ALK: variants seen among roughly 807,000 people sequenced by gnomAD.
ALK encodes the protein ALK receptor tyrosine kinase, also known as ALK tyrosine kinase receptor.
ALK carries 74 observed loss-of-function variants against 163.1 expected under a neutral mutation model. The ratio of observed to expected loss-of-function variants is 0.45; its 90% CI spans 0.38 to 0.55. The LOEUF (loss-of-function observed/expected upper bound fraction) is 0.55, where lower values mean the gene tolerates loss of function less well. Among genes scored for constraint, ALK ranks in the 20% least tolerant of loss-of-function variants. ALK has a pLI of 0.00. For missense variants in ALK, 2,063 were observed against 2,105.3 expected (o/e 0.98, Z 0.39); for synonymous variants, 960 against 843.2 (o/e 1.14, Z -2.40).
intron 1 of ALK, among the ~76,000 whole-genome samples, chr2:29,850,090 G>T (rs1297765545): frequency 8.5e-5 from 13 of 152,190 alleles, no homozygotes; most frequent in Admixed American, 8.5e-4. Flanking sequence ...ATTGACAGTA[G>T]AACAAGACAA....
chr2:29,249,292 G>A (rs1664759262), intron 12 of ALK, among the ~76,000 whole-genome samples: 1 of 152,170 alleles, frequency 6.6e-6, no homozygotes, highest in Non-Finnish European at 1.5e-5. Flanking sequence ...CTCCGCTGGG[G>A]GCTTACTGTT....
At chr2:29,212,210 G>C (rs1448469730) in intron 24 of ALK, among the ~76,000 whole-genome samples, 1 of 152,226 alleles carries the variant, frequency 6.6e-6, no homozygotes, top group East Asian at 1.9e-4. Context: ...TAGACTTAAA[G>C]CACATGGACA....
At chr2:29,805,207 A>G (rs1264292527) in intron 1 of ALK, among the ~76,000 whole-genome samples, 2 of 152,242 alleles carry the variant, frequency 1.3e-5, no homozygotes, top group African/African-American at 2.4e-5. Context: ...GGCAGCTAAC[A>G]TAACAGACAA....
rs1363161055 is a variant in ALK at position 29,227,118 on chromosome 2, C to G, written c.2915-44G>C. 4 of 1,613,648 alleles carry G rather than the reference C, an allele frequency of 2.5e-6. No homozygotes were observed. The South Asian group carries it at 3.3e-5, about 13-fold the overall frequency. The stretch of plus-strand genomic sequence containing the variant: ...GGTCAGTCTTGGGCCGAGCCTGCCT[C>G]CCCACTCCCAGCCTCAGTACTATGT... On this transcript the variant is annotated intron_variant, in intron 17 of 28. Coordinates refer to ENST00000389048, the MANE Select transcript of ALK (RefSeq NM_004304.5). This position sits in a 1 kb window ranked among gnomAD's most constrained non-coding sequence, Gnocchi z 4.4.
chr2:29,383,124 A>G (rs949524793), intron 5 of ALK, among the ~76,000 whole-genome samples: 5 of 151,992 alleles, frequency 3.3e-5, no homozygotes, highest in African/African-American at 1.2e-4. Context: ...TCCACGCTTC[A>G]TTCTTGGGCC....
intron 2 of ALK, among the ~76,000 whole-genome samples, chr2:29,697,846 A>G (rs1678618086): frequency 6.6e-6 from 1 of 152,186 alleles, no homozygotes; most frequent in African/African-American, 2.4e-5. Flanking sequence ...TTCAGAATAC[A>G]GTGGGGGCAG....
chr2:29,321,886 C>T (rs1315347405), intron 6 of ALK, among the ~76,000 whole-genome samples: 2 of 152,234 alleles, frequency 1.3e-5, no homozygotes, highest in Non-Finnish European at 2.9e-5. Context: ...TCAGACTGAT[C>T]TCAGGTCCTA....
At chr2:29,812,395 G>A (rs574228092) in intron 1 of ALK, among the ~76,000 whole-genome samples, 82 of 152,188 alleles carry the variant, frequency 5.4e-4, no homozygotes, top group African/African-American at 1.9e-3. Flanking sequence ...CTCACTCCAT[G>A]GAGTCAGAAA....
chr2:29,694,765 G>A, intron 3 of ALK, 85 bp downstream of exon 3: 2 of 1,536,220 alleles, frequency 1.3e-6, no homozygotes, highest in Non-Finnish European at 1.8e-6. Flanking sequence ...CAGAACAGGA[G>A]TGAAGTCTCA....
intron 1 of ALK, among the ~76,000 whole-genome samples, chr2:29,729,432 T>C (rs935943162): frequency 6.6e-6 from 1 of 151,896 alleles, no homozygotes; most frequent in African/African-American, 2.4e-5. Context: ...AGAAACGTGG[T>C]GGGGGAAAGA....
chr2:29,749,385 C>A (rs1006228846), intron 1 of ALK, among the ~76,000 whole-genome samples: 1 of 152,202 alleles, frequency 6.6e-6, no homozygotes, highest in African/African-American at 2.4e-5. Flanking sequence ...GGGACACCAA[C>A]CTATGTCTTT....
chr2:29,640,063 A>G (rs1676657442), intron 3 of ALK, among the ~76,000 whole-genome samples: 2 of 152,324 alleles, frequency 1.3e-5, no homozygotes, highest in South Asian at 2.1e-4. Context: ...GAAGAAGCTC[A>G]GCACCTAATG....
At position 29,860,329 on chromosome 2, in the gene ALK, A is replaced by C. The variant is rs546886991; in HGVS notation, c.667+59664T>G. ...CTCTTGTTAGGAAGTCTCTTGCTCA[A>C]CTATGAGGATGGGTAATGTCCTGAG... On this transcript the variant is annotated intron_variant, in intron 1 of 28. Transcript: ENST00000389048. 2.6e-5 allele frequency among the ~76,000 whole-genome samples: 4 copies of C among 151,352 alleles called. No individual in the cohort carries two copies. In the South Asian group the frequency reaches 8.5e-4, roughly 32 times the overall value.
rs1485144304 is a variant in ALK, at chr2:29,829,170, T to C, written c.667+90823A>G. On this transcript the variant is annotated intron_variant, in intron 1 of 28. Coordinates refer to ENST00000389048, the MANE Select transcript of ALK (RefSeq NM_004304.5). ...TCATACACCAGGGCCTGTTGAGGGG[T>C]GGGGGGAGGGGGGAGGGATAGCATT... Among the ~76,000 whole-genome samples the C allele has an allele frequency of 9.9e-4, 65 of 65,594 alleles. 2 individuals are homozygous for C. Among genetic ancestry groups the C allele is most frequent in the African/African-American group, 3.7e-3 (60 of 16,014 alleles). 43.0% of individuals were successfully genotyped at this position (65,594 alleles called of 152,430 possible). A position where few individuals can be genotyped will look rare whatever the true frequency, so the allele number is the denominator to read the frequency against.
chr2:29,534,836 C>A (rs1446260079), intron 3 of ALK, among the ~76,000 whole-genome samples: 1 of 152,028 alleles, frequency 6.6e-6, no homozygotes, highest in African/African-American at 2.4e-5. Context: ...ATAATGGAAC[C>A]CTTTCAAAGC....
chr2:29,400,300 A>G (rs554525918), intron 4 of ALK, among the ~76,000 whole-genome samples: 4 of 152,364 alleles, frequency 2.6e-5, no homozygotes, highest in African/African-American at 9.6e-5. Flanking sequence ...AGCCATGTTA[A>G]TAGTACCGCA....
intron 4 of ALK, among the ~76,000 whole-genome samples, chr2:29,419,649 G>C (rs1348091259): frequency 6.6e-6 from 1 of 151,508 alleles, no homozygotes; most frequent in Non-Finnish European, 1.5e-5. Flanking sequence ...CTATGAAGAA[G>C]TTTGGTTTTC....
Position 29,246,266 on chromosome 2 carries a change from G to T in ALK, c.2204+4839C>A, listed in dbSNP as rs181667078. ...AAGAAGTCAGGGAGAGAGAGGGGGC[G>T]GGCTGGGCTGAGTGCTGGCGCCTCT... is the stretch of plus-strand genomic sequence containing the variant. On this transcript the variant is annotated intron_variant, in intron 12 of 28. Coordinates refer to ENST00000389048, the MANE Select transcript of ALK (RefSeq NM_004304.5). This position sits in a 1 kb window ranked among gnomAD's most constrained non-coding sequence, Gnocchi z 4.3. Among the ~76,000 whole-genome samples the T allele has an allele frequency of 6.6e-6, 1 of 151,974 alleles. No individual in the cohort carries two copies. Among genetic ancestry groups the T allele is most frequent in the Non-Finnish European group, 1.5e-5 (1 of 67,958 alleles).
At chr2:29,226,473 C>T (rs887029512) in intron 18 of ALK, among the ~76,000 whole-genome samples, 5 of 101,828 alleles carry the variant, frequency 4.9e-5, no homozygotes, top group African/African-American at 1.6e-4. Context: ...AGTGAAACTC[C>T]GCCTCAAAAA....
Sources: gnomAD v4.1 joint callset for allele counts (sites outside exome capture counted in the v4.1 genomes callset) on GRCh38, gnomAD v4.1.1 for gene constraint, Gnocchi (gnomAD v3.1) non-coding constraint, MANE v1.5 for transcripts, NCBI Gene and HGNC (gene_info 2026-07-23, HGNC 2026-07-21) for gene names.